The following SAMD4A variants were observed in gnomAD, a reference collection of about 807,000 sequenced individuals.
SAMD4A encodes the protein sterile alpha motif domain containing 4A, also known as protein Smaug homolog 1.
In SAMD4A, 33 loss-of-function variants were observed where a neutral mutation model predicts 81.3. The observed-to-expected ratio is 0.41, with a 90% CI of 0.31 to 0.54. The LOEUF (loss-of-function observed/expected upper bound fraction) is 0.54, where lower values mean the gene tolerates loss of function less well. Among genes scored for constraint, SAMD4A ranks in the 20% least tolerant of loss-of-function variants. The pLI is 0.37. For synonymous variants in SAMD4A, 389 were observed against 382.1 expected (o/e 1.02, Z -0.21); for missense variants, 854 against 951.1 (o/e 0.90, Z 1.34).
At chr14:54,688,041 G>A (rs2036322895) in intron 2 of SAMD4A, 2 of 985,622 alleles carry the variant, frequency 2.0e-6, no homozygotes, top group South Asian at 9.4e-5. Flanking sequence ...AAGTGGAGAG[G>A]GAGGAGATGG....
At chr14:54,778,845 G>A (rs1351849894) in intron 11 of SAMD4A, among the ~76,000 whole-genome samples, 2 of 152,202 alleles carry the variant, frequency 1.3e-5, no homozygotes, top group African/African-American at 4.8e-5. Flanking sequence ...GGGCATGATA[G>A]GGCAGGGCCT....
intron 12 of SAMD4A, among the ~76,000 whole-genome samples, chr14:54,786,192 G>A (rs1219380672): frequency 6.6e-6 from 1 of 152,246 alleles, no homozygotes; most frequent in African/African-American, 2.4e-5. Flanking sequence ...CCTATGCGAT[G>A]CAGTGGATGA....
At chr14:54,590,331 A>G (rs981376302) in intron 2 of SAMD4A, among the ~76,000 whole-genome samples, 6 of 152,012 alleles carry the variant, frequency 3.9e-5, no homozygotes, top group Admixed American at 1.3e-4. Context: ...TCTACGGAAA[A>G]CAAAACAAAA....
chr14:54,635,791 A>G (rs1406026065), intron 2 of SAMD4A, among the ~76,000 whole-genome samples: 1 of 152,130 alleles, frequency 6.6e-6, no homozygotes, highest in Non-Finnish European at 1.5e-5. Context: ...GAAAAATAAC[A>G]TCAGCACTGC....
At chr14:54,637,365 CAAAAA>C (rs1172084217) in intron 2 of SAMD4A, among the ~76,000 whole-genome samples, 7,873 of 63,628 alleles carry the variant, frequency 0.12, 224 homozygotes, top group Middle Eastern at 0.17. Flanking sequence ...AACTCCATCT[CAAAAA>C]AAAAAAAAAA....
intron 2 of SAMD4A, among the ~76,000 whole-genome samples, chr14:54,626,531 T>TTGC (rs1189032692): frequency 6.6e-6 from 1 of 152,200 alleles, no homozygotes; most frequent in Non-Finnish European, 1.5e-5. Flanking sequence ...TGTGGATACG[T>TTGC]TGCTGATTGC....
At chr14:54,730,143 C>T (rs1331756181) in intron 3 of SAMD4A, among the ~76,000 whole-genome samples, 1 of 152,196 alleles carries the variant, frequency 6.6e-6, no homozygotes, top group Non-Finnish European at 1.5e-5. Flanking sequence ...CTTTGCTCTG[C>T]CCAAAAACTG....
intron 2 of SAMD4A, among the ~76,000 whole-genome samples, chr14:54,664,853 C>A (rs2035723645): frequency 1.5e-5 from 2 of 135,372 alleles, no homozygotes; most frequent in South Asian, 2.3e-4. Context: ...ACACACACTT[C>A]CTTAAAATAA....
intron 7 of SAMD4A, 37 bp from the exon 8 acceptor site, chr14:54,764,418 T>C (rs1253933007): frequency 7.4e-7 from 1 of 1,346,704 alleles, no homozygotes; most frequent in African/African-American, 1.5e-5. Flanking sequence ...TAGAAAGGGG[T>C]GCATTTTTCT....
At chr14:54,600,731 C>G (rs1327026381) in intron 2 of SAMD4A, among the ~76,000 whole-genome samples, 1 of 152,122 alleles carries the variant, frequency 6.6e-6, no homozygotes, top group African/African-American at 2.4e-5. Context: ...AGGCTGGATC[C>G]TTTGATTTTC....
At chr14:54,632,730 T>A (rs1340736140) in intron 2 of SAMD4A, among the ~76,000 whole-genome samples, 3 of 152,222 alleles carry the variant, frequency 2.0e-5, no homozygotes, top group African/African-American at 7.2e-5. Flanking sequence ...GTGGTCTGAA[T>A]CCTCAATTTA....
chr14:54,685,645 G>C (rs771282011), intron 2 of SAMD4A: 1 of 452,958 alleles, frequency 2.2e-6, no homozygotes, highest in South Asian at 1.6e-5. Flanking sequence ...AGAAGTTGCA[G>C]AGAAGCTGAT....
chr14:54,647,307 G>C (rs1225511913), intron 2 of SAMD4A, among the ~76,000 whole-genome samples: 1 of 152,212 alleles, frequency 6.6e-6, no homozygotes, highest in Non-Finnish European at 1.5e-5. Flanking sequence ...AAGGAGGATA[G>C]TTACCATTTT....
In SAMD4A at chr14:54,708,587, C is replaced by T. The variant is rs544546000; in HGVS notation, c.715+6007C>T. On this transcript the variant is annotated intron_variant, in intron 3 of 12. Coordinates refer to ENST00000554335, the MANE Select transcript of SAMD4A (RefSeq NM_015589.6). ...AGGCCAAGGCCCCCAGGCCTGGGCA[C>T]CTCAACCTGAAAGCTGGAGAAAAGC... Among the ~76,000 whole-genome samples, 8 of 152,170 alleles carry T rather than the reference C, an allele frequency of 5.3e-5. No homozygotes were observed. In the East Asian group the frequency reaches 7.8e-4, roughly 15 times the overall value.
Position 54,737,285 on chromosome 14 carries a change from A to C in SAMD4A, c.977A>C (p.Lys326Thr), listed in dbSNP as rs558511380. 1 of 1,614,042 alleles carries C rather than the reference A, an allele frequency of 6.2e-7. No individual in the cohort carries two copies. The highest frequency in any genetic ancestry group is 2.2e-5 in the East Asian group (1 of 44,874). Residue 326 changes from lysine to threonine, a missense_variant and splice_region_variant, in exon 4 of 13, where the codon AAA (lysine) becomes ACA (threonine). Around this residue, in one of 3 missense-constraint regions of SAMD4A, gnomAD observed 39 missense variants for 74.1 expected, o/e 0.53. Transcript: ENST00000554335. Reference protein sequence around the residue: ...NTFQEEGSGMKDVPAWLKSLR... With the variant: ...NTFQEEGSGMTDVPAWLKSLR... The stretch of plus-strand genomic sequence containing the variant: ...TTCCAAGAAGAAGGTAGTGGGATGA[A>C]AGGTGAGTGACTAAATGAGAAACCA...
At chr14:54,575,986 T>C (rs897795447) in intron 2 of SAMD4A, among the ~76,000 whole-genome samples, 1 of 133,496 alleles carries the variant, frequency 7.5e-6, no homozygotes, top group Non-Finnish European at 1.5e-5. Flanking sequence ...CCAGGAAAGA[T>C]TTCTTTCTTT....
chr14:54,739,055 C>CTTTTTTTTTTTTTT lies in SAMD4A; in HGVS notation c.979+1774_979+1787dup, dbSNP rs3051648. 2.7e-3 allele frequency among the ~76,000 whole-genome samples: 263 copies of CTTTTTTTTTTTTTT among 97,306 alleles called. 18 individuals are homozygous for CTTTTTTTTTTTTTT. Among genetic ancestry groups the CTTTTTTTTTTTTTT allele is most frequent in the East Asian group, 8.2e-3 (27 of 3,312 alleles). The allele number at this position is 97,306 out of a possible 152,430, so 63.8% of individuals were successfully genotyped here. A position where few individuals can be genotyped will look rare whatever the true frequency, so the allele number is the denominator to read the frequency against. On this transcript the variant is annotated intron_variant, in intron 4 of 12. Coordinates refer to ENST00000554335, the MANE Select transcript of SAMD4A (RefSeq NM_015589.6). ...TACTTTGTTTTCTTTCTTTCCTTTTCTTTTTTTTTTTTTTTTTTTGAGGCC... is the reference window on the plus strand; with the variant it reads ...TACTTTGTTTTCTTTCTTTCCTTTTCTTTTTTTTTTTTTTTTTTTTTTTTTTTTTTTTTGAGGCC...
intron 6 of SAMD4A, among the ~76,000 whole-genome samples, chr14:54,757,561 CCTT>C (rs747946621): frequency 1.6e-4 from 24 of 152,280 alleles, no homozygotes; most frequent in Middle Eastern, 6.8e-3. Flanking sequence ...GCTGGAGAAA[CCTT>C]CTTGCCATGT....
chr14:54,760,107 T>G (rs1221361027), intron 6 of SAMD4A, 54 bp from the exon 7 acceptor site: 3 of 1,561,374 alleles, frequency 1.9e-6, no homozygotes, highest in Middle Eastern at 3.4e-4. Context: ...GGTACGGGGG[T>G]GGATGACCCT....
Sources: gnomAD v4.1 joint callset for allele counts (sites outside exome capture counted in the v4.1 genomes callset) on GRCh38, gnomAD v4.1.1 for gene constraint, gnomAD v4.1.1 regional missense constraint, MANE v1.5 for transcripts, NCBI Gene and HGNC (gene_info 2026-07-23, HGNC 2026-07-21) for gene names.